ETV3: variants seen among roughly 807,000 people sequenced by gnomAD.
ETV3 encodes ETS variant transcription factor 3, also known as ETS translocation variant 3.
A neutral mutation model predicts 33.0 loss-of-function variants in ETV3; 8 were observed. That is an observed-to-expected ratio of 0.24 (90% confidence interval 0.14 to 0.44). The LOEUF is 0.44. Among genes scored for constraint, ETV3 ranks in the 20% least tolerant of loss-of-function variants. ETV3 has a pLI of 1.00. For synonymous variants in ETV3, 222 were observed against 238.9 expected (o/e 0.93, Z 0.65); for missense variants, 473 against 652.3 (o/e 0.73, Z 2.99).
chr1:157,127,003 G>C lies in ETV3; in HGVS notation c.401-1024C>G, dbSNP rs56012446. ...GAGCTGCCCTGGCTGACTGTGGGGA[G>C]GGGCAGAGCTGCCCTGGCTGACTGT... On this transcript the variant is annotated intron_variant, in intron 4 of 4. Coordinates refer to ENST00000368192, the MANE Select transcript of ETV3 (RefSeq NM_001145312.3). Among the ~76,000 whole-genome samples the C allele has an allele frequency of 7.3e-3, 1,108 of 151,760 alleles. 7 individuals are homozygous for C. Among genetic ancestry groups the C allele is most frequent in the Middle Eastern group, 0.014 (4 of 290 alleles).
In ETV3 at chr1:157,136,290, GATT is replaced by G; in HGVS notation, c.46+14_46+16del. ...GGAAGCTTCCAGGTACATCAGAGAT[GATT>G]AACTTCTGCTCACCTCCACCTCCTT... On this transcript the variant is annotated intron_variant, in intron 2 of 4. Coordinates refer to ENST00000368192, the MANE Select transcript of ETV3 (RefSeq NM_001145312.3). The G allele has an allele frequency of 6.2e-7, 1 of 1,611,916 alleles. No individual in the cohort carries two copies. The highest frequency in any genetic ancestry group is 8.5e-7 in the Non-Finnish European group (1 of 1,178,682).
intron 4 of ETV3, among the ~76,000 whole-genome samples, chr1:157,129,896 T>C (rs954743162): frequency 1.3e-5 from 2 of 151,974 alleles, no homozygotes; most frequent in Admixed American, 6.6e-5. Context: ...CAGGCTGGAG[T>C]GCAGTGGCAC....
At position 157,135,453 on chromosome 1, in the gene ETV3, G is replaced by T; in HGVS notation, c.284+18C>A. The T allele has an allele frequency of 6.2e-7, 1 of 1,613,382 alleles. No individual in the cohort carries two copies. Among genetic ancestry groups the T allele is most frequent in the African/African-American group, 1.3e-5 (1 of 74,960 alleles). ...CCTTCCAATCTGTTAACACAGATTT[G>T]GGAATCCTTTTCCTTACCTGAGGGC... On this transcript the variant is annotated intron_variant, in intron 3 of 4. Coordinates refer to ENST00000368192, the MANE Select transcript of ETV3 (RefSeq NM_001145312.3).
intron 4 of ETV3, chr1:157,128,594 CA>C: frequency 4.2e-6 from 1 of 235,560 alleles, no homozygotes; most frequent in Non-Finnish European, 8.9e-6. Flanking sequence ...ATCCTTGGAA[CA>C]AAAATGATCT....
intron 4 of ETV3, 170 bp downstream of exon 4, chr1:157,133,942 A>C: frequency 1.4e-6 from 2 of 1,441,768 alleles, no homozygotes; most frequent in Non-Finnish European, 1.8e-6. Context: ...ATAGCCTATA[A>C]CTCTCCTTAT....
rs895254974 is a variant in ETV3, at chr1:157,124,814, T to C, written c.*27A>G. 6.8e-7 allele frequency: 1 copy of C among 1,465,220 alleles called. No individual in the cohort carries two copies. Among genetic ancestry groups the C allele is most frequent in the Admixed American group, 2.7e-5 (1 of 37,434 alleles). The allele number at this position is 1,465,220 out of a possible 1,614,324, so 90.8% of individuals were successfully genotyped here. ...TACATGTATGTATTTGATTATAGTATAAACAGCTCCTAATCCACTTCCAGT... is the reference window on the plus strand; with the variant it reads ...TACATGTATGTATTTGATTATAGTACAAACAGCTCCTAATCCACTTCCAGT... On this transcript the variant is annotated 3_prime_UTR_variant, in exon 5 of 5. Transcript: ENST00000368192.
At chr1:157,137,570 C>T (rs1675150793) in intron 1 of ETV3, among the ~76,000 whole-genome samples, 1 of 150,630 alleles carries the variant, frequency 6.6e-6, no homozygotes, top group Non-Finnish European at 1.5e-5. Flanking sequence ...TACATAATAA[C>T]GAGGCACCGG....
At position 157,135,646 on chromosome 1, in the gene ETV3, G is replaced by A. The variant is rs777261550; in HGVS notation, c.109C>T (p.Leu37=). 1.2e-6 allele frequency: 2 copies of A among 1,614,102 alleles called. No individual in the cohort carries two copies. The highest frequency in any genetic ancestry group is 1.7e-6 in the Non-Finnish European group (2 of 1,180,054). The change falls in exon 3 of 5, where the codon CTG becomes TTG. Residue 37 remains leucine, a synonymous_variant. Coordinates refer to ENST00000368192, the MANE Select transcript of ETV3 (RefSeq NM_001145312.3). ...ESSPGSRQIQ[L]WHFILELLQK... is the part of the protein sequence containing the mutation. ...AGCAGCTCCAGGATGAAGTGCCACA[G>A]CTGGATCTGCCGGGAGCCTGGGGAT...
rs1017405937 is a variant in ETV3, at chr1:157,123,874, G to A, written c.*967C>T. On this transcript the variant is annotated 3_prime_UTR_variant, in exon 5 of 5. Transcript: ENST00000368192. ...ATGGAAAGACCTCTTCAATAATGTT[G>A]TCATGCCTCTCAGTGAACGTGCTCA... 2.0e-5 allele frequency: 3 copies of A among 152,160 alleles called. No individual in the cohort carries two copies. Among genetic ancestry groups the A allele is most frequent in the African/African-American group, 4.8e-5 (2 of 41,436 alleles). The allele number at this position is 152,160 out of a possible 1,614,324, so 9.4% of individuals were successfully genotyped here.
chr1:157,134,212 C>T lies in ETV3; in HGVS notation c.300G>A (p.Lys100=), dbSNP rs1246938529. 1 of 1,612,898 alleles carries T rather than the reference C, an allele frequency of 6.2e-7. No individual in the cohort carries two copies. The highest frequency in any genetic ancestry group is 1.3e-5 in the African/African-American group (1 of 74,858). The change falls in exon 4 of 5, where the codon AAG becomes AAA. Residue 100 remains lysine (K), a synonymous_variant. Transcript: ENST00000368192. ...TCCCTTTTGTTTTATGAAGGATCCT[C>T]TTGTTGTAATAGTATCTGTAAAAAC... ...LSRALRYYYN[K]RILHKTKGKR...
intron 4 of ETV3, among the ~76,000 whole-genome samples, chr1:157,126,539 T>G (rs1044711716): frequency 6.6e-6 from 1 of 152,216 alleles, no homozygotes; most frequent in Non-Finnish European, 1.5e-5. Context: ...TAGAAAATAA[T>G]AACAACATAT....
rs1240876476 is a variant in ETV3, at chr1:157,122,959, T to C, written c.*1882A>G. On this transcript the variant is annotated 3_prime_UTR_variant, in exon 5 of 5. Transcript: ENST00000368192. Reference sequence around the variant, plus strand: ...GCAATAGTATGATGGACTCAAGTCATCCCAGGCCATCTACTGTCTCCCTCA... The same window carrying C: ...GCAATAGTATGATGGACTCAAGTCACCCCAGGCCATCTACTGTCTCCCTCA... 1 of 152,190 alleles carries C rather than the reference T, an allele frequency of 6.6e-6. No individual in the cohort carries two copies. The highest frequency in any genetic ancestry group is 2.4e-5 in the African/African-American group (1 of 41,428). The allele number at this position is 152,190 out of a possible 1,614,324, so 9.4% of individuals were successfully genotyped here. A position where few individuals can be genotyped will look rare whatever the true frequency, so the allele number is the denominator to read the frequency against.
intron 3 of ETV3, 69 bp downstream of exon 3, chr1:157,135,402 C>G: frequency 1.3e-6 from 2 of 1,559,558 alleles, no homozygotes; most frequent in Non-Finnish European, 1.8e-6. Flanking sequence ...CCCTTTTTAT[C>G]TAGCATTCAC....
rs1349060431 is a variant in ETV3, at chr1:157,132,746, ACTT to A, written c.400+1363_400+1365del. Among the ~76,000 whole-genome samples, 452 of 131,034 alleles carry A rather than the reference ACTT, an allele frequency of 3.4e-3. 2 individuals carry two copies. Among genetic ancestry groups the A allele is most frequent in the African/African-American group, 0.012 (428 of 34,636 alleles). 86.0% of individuals were successfully genotyped at this position (131,034 alleles called of 152,430 possible). On this transcript the variant is annotated intron_variant, in intron 4 of 4. Coordinates refer to ENST00000368192, the MANE Select transcript of ETV3 (RefSeq NM_001145312.3). The stretch of plus-strand genomic sequence containing the variant: ...AATTAGAGAGATGCATTCCAATACC[ACTT>A]TTTTTTTTTTTTTTAAATGCATGCC...
intron 1 of ETV3, 113 bp from the exon 2 acceptor site, chr1:157,136,478 T>G: frequency 1.1e-6 from 1 of 906,352 alleles, no homozygotes; most frequent in African/African-American, 1.7e-5. Flanking sequence ...TCTTTCCGTA[T>G]GCAACTCTCT....
At chr1:157,134,963 A>G in intron 3 of ETV3, 1 of 164,134 alleles carries the variant, frequency 6.1e-6, no homozygotes, top group Non-Finnish European at 1.3e-5. Flanking sequence ...GAAAACTTAT[A>G]GTGATCAATC....
Position 157,121,209 on chromosome 1 carries a change from T to G in ETV3, c.*3632A>C, listed in dbSNP as rs146016903. On this transcript the variant is annotated 3_prime_UTR_variant, in exon 5 of 5. Coordinates refer to ENST00000368192, the MANE Select transcript of ETV3 (RefSeq NM_001145312.3). Reference sequence around the variant, plus strand: ...GCAAACATTACTTAAAAGTATTTTTTTATTTAATTTCTGAGGTAAAATACT... The same window carrying G: ...GCAAACATTACTTAAAAGTATTTTTGTATTTAATTTCTGAGGTAAAATACT... 1.1e-4 allele frequency: 17 copies of G among 152,298 alleles called. No individual in the cohort carries two copies. The East Asian group carries it at 3.1e-3, about 28-fold the overall frequency. The allele number at this position is 152,298 out of a possible 1,614,324, so 9.4% of individuals were successfully genotyped here. A position where few individuals can be genotyped will look rare whatever the true frequency, so the allele number is the denominator to read the frequency against.
chr1:157,136,285 G>C, intron 2 of ETV3, 22 bp downstream of exon 2: 2 of 1,611,696 alleles, frequency 1.2e-6, no homozygotes, highest in Non-Finnish European at 1.7e-6. Flanking sequence ...AGGTACATCA[G>C]AGATGATTAA....
intron 4 of ETV3, chr1:157,133,802 G>C: frequency 9.1e-7 from 1 of 1,099,636 alleles, no homozygotes; most frequent in Non-Finnish European, 1.1e-6. Flanking sequence ...AGTCCTGAAC[G>C]TAAAGATCAT....
Sources: allele counts gnomAD v4.1 joint callset (sites outside exome capture counted in the v4.1 genomes callset), GRCh38; gene constraint gnomAD v4.1.1; transcripts MANE v1.5; gene names NCBI Gene and HGNC (gene_info 2026-07-23, HGNC 2026-07-21).